The following TGS1 variants were observed in gnomAD, a reference collection of about 807,000 sequenced individuals.
TGS1 encodes the protein trimethylguanosine synthase 1, also known as trimethylguanosine synthase.
In TGS1, 69 loss-of-function variants were observed where a neutral mutation model predicts 92.2. The observed-to-expected ratio is 0.75, with a 90% CI of 0.62 to 0.91. TGS1 has a LOEUF of 0.91. Ranked by LOEUF, TGS1 falls within the 40% of genes least tolerant of loss-of-function variation. The pLI is 0.00. For missense variants in TGS1, 1,062 were observed against 1,001.2 expected, an observed-to-expected ratio of 1.06 and a Z score of -0.82; for synonymous variants, 345 against 338.1, an observed-to-expected ratio of 1.02 and a Z score of -0.22.
intron 12 of TGS1, among the ~76,000 whole-genome samples, chr8:55,823,339 C>T (rs1554566731): frequency 6.6e-6 from 1 of 152,262 alleles, no homozygotes; most frequent in Middle Eastern, 3.4e-3. Flanking sequence ...GCTAACTGCC[C>T]CATCCCCCTG....
intron 10 of TGS1, among the ~76,000 whole-genome samples, chr8:55,805,881 T>TAA (rs60887117): frequency 3.4e-5 from 4 of 119,186 alleles, no homozygotes; most frequent in Non-Finnish European, 5.1e-5. Context: ...GACTCCATCT[T>TAA]AAAAAAAAAA....
intron 6 of TGS1, among the ~76,000 whole-genome samples, chr8:55,794,359 T>A (rs1310780285): frequency 2.6e-5 from 4 of 152,190 alleles, no homozygotes; most frequent in African/African-American, 9.7e-5. Flanking sequence ...CCCAGTCCAT[T>A]TATTCCTTCT....
At chr8:55,815,735 T>C (rs755425180) in intron 12 of TGS1, among the ~76,000 whole-genome samples, 6 of 152,108 alleles carry the variant, frequency 3.9e-5, no homozygotes, top group Non-Finnish European at 5.9e-5. Context: ...TCTAGTGAAA[T>C]GTTTTCCTAG....
At chr8:55,821,024 T>G (rs778481725) in intron 12 of TGS1, among the ~76,000 whole-genome samples, 3 of 152,228 alleles carry the variant, frequency 2.0e-5, no homozygotes, top group Admixed American at 6.5e-5. Flanking sequence ...AATTTATAAG[T>G]CTTTCCAACT....
chr8:55,777,468 T>C (rs1385258759), intron 1 of TGS1, among the ~76,000 whole-genome samples: 21 of 152,200 alleles, frequency 1.4e-4, no homozygotes, highest in Admixed American at 1.4e-3. Context: ...CCCTGAATTT[T>C]GCCCATTGGC....
chr8:55,799,454 G>T (rs77645373), intron 8 of TGS1, among the ~76,000 whole-genome samples: 1 of 152,156 alleles, frequency 6.6e-6, no homozygotes, highest in African/African-American at 2.4e-5. Flanking sequence ...AGGAAAGACT[G>T]TTGGGAGCAT....
rs777808741 is a variant in TGS1 at position 55,786,226 on chromosome 8, TA to T, written c.340-11del. ...AAGTGCATTTTATATTCAAGTTATT[TA>T]TCTGATATAGGTATCTATGAATACT... On this transcript the variant is annotated splice_polypyrimidine_tract_variant and intron_variant, in intron 3 of 12. Transcript: ENST00000260129. The T allele has an allele frequency of 6.5e-6, 8 of 1,222,302 alleles. No homozygotes were observed. Among genetic ancestry groups the T allele is most frequent in the Non-Finnish European group, 9.0e-6 (8 of 886,276 alleles). 75.7% of individuals were successfully genotyped at this position (1,222,302 alleles called of 1,614,324 possible).
rs962507162 is a variant in TGS1, at chr8:55,826,129, C to T, written c.*1426C>T. Reference sequence around the variant, plus strand: ...CCTCCCGTAGTTCTGGGATTACAGGCGTGAGCCACCGCGCCTGGCTTTATG... The same window carrying T: ...CCTCCCGTAGTTCTGGGATTACAGGTGTGAGCCACCGCGCCTGGCTTTATG... On this transcript the variant is annotated 3_prime_UTR_variant, in exon 13 of 13. Coordinates refer to ENST00000260129, the MANE Select transcript of TGS1 (RefSeq NM_024831.8). 2.6e-5 allele frequency among the ~76,000 whole-genome samples: 4 copies of T among 152,084 alleles called. No homozygotes were observed. Among genetic ancestry groups the T allele is most frequent in the Admixed American group, 6.6e-5 (1 of 15,258 alleles).
Position 55,786,959 on chromosome 8 carries a change from A to G in TGS1, c.1061A>G (p.Lys354Arg). 1 of 1,614,164 alleles carries G rather than the reference A, an allele frequency of 6.2e-7. No individual in the cohort carries two copies. The part of the protein sequence containing the change: ...GHQQLSEVSS[K>R]RECPASGQSE... ...CAACAGCTAAGTGAAGTTAGTAGCA[A>G]AAGAGAGTGCCCTGCTTCCGGCCAA... Residue 354 changes from lysine (K) to arginine (R), a missense_variant, in exon 4 of 13, where the codon AAA (lysine) becomes AGA (arginine). Transcript: ENST00000260129.
intron 5 of TGS1, among the ~76,000 whole-genome samples, chr8:55,790,905 T>C (rs1361831241): frequency 6.6e-6 from 1 of 152,202 alleles, no homozygotes; most frequent in East Asian, 1.9e-4. Context: ...GCATGTAATA[T>C]ATCTGACACT....
intron 10 of TGS1, among the ~76,000 whole-genome samples, chr8:55,806,356 C>CAAAAAAAAAAAAAAAAAA (rs1047234489): frequency 1.0e-4 from 4 of 38,994 alleles, no homozygotes; most frequent in Non-Finnish European, 1.6e-4. Context: ...GACTCCACCT[C>CAAAAAAAAAAAAAAAAAA]AAAAAAAAAA....
Position 55,786,218 on chromosome 8 carries a change from A to C in TGS1, c.340-20A>C. ...AGTTCATAAAGTGCATTTTATATTC[A>C]AGTTATTTATCTGATATAGGTATCT... On this transcript the variant is annotated intron_variant, in intron 3 of 12. Coordinates refer to ENST00000260129, the MANE Select transcript of TGS1 (RefSeq NM_024831.8). 1 of 1,188,006 alleles carries C rather than the reference A, an allele frequency of 8.4e-7. No individual in the cohort carries two copies. Among genetic ancestry groups the C allele is most frequent in the Non-Finnish European group, 1.2e-6 (1 of 858,456 alleles). The allele number at this position is 1,188,006 out of a possible 1,614,324, so 73.6% of individuals were successfully genotyped here. A position where few individuals can be genotyped will look rare whatever the true frequency, so the allele number is the denominator to read the frequency against.
intron 12 of TGS1, among the ~76,000 whole-genome samples, chr8:55,815,379 T>TA (rs1432130642): frequency 1.3e-5 from 2 of 152,176 alleles, no homozygotes; most frequent in African/African-American, 4.8e-5. Context: ...AACTTTTTTT[T>TA]AATGAAGAAA....
intron 12 of TGS1, among the ~76,000 whole-genome samples, chr8:55,816,669 C>A (rs1322027160): frequency 6.6e-6 from 1 of 152,120 alleles, no homozygotes; most frequent in Non-Finnish European, 1.5e-5. Flanking sequence ...TAATTCCTGG[C>A]CTTTGTCTGG....
At chr8:55,789,542 G>GT (rs564638881) in intron 4 of TGS1, among the ~76,000 whole-genome samples, 66 of 150,982 alleles carry the variant, frequency 4.4e-4, no homozygotes, top group Middle Eastern at 6.8e-3. Flanking sequence ...AGTTTGTTGT[G>GT]TTTTTTTTTA....
At chr8:55,809,893 C>T (rs1803293752) in intron 10 of TGS1, among the ~76,000 whole-genome samples, 1 of 152,198 alleles carries the variant, frequency 6.6e-6, no homozygotes, top group Non-Finnish European at 1.5e-5. Flanking sequence ...ATCAGCATAT[C>T]TTTCCATCTG....
chr8:55,786,045 T>A (rs1348556732), intron 3 of TGS1, among the ~76,000 whole-genome samples, 154 bp downstream of exon 3: 6 of 152,214 alleles, frequency 3.9e-5, no homozygotes, highest in Non-Finnish European at 7.3e-5. Context: ...GAACTGAAAG[T>A]TGTAATATGT....
rs558106628 is a variant in TGS1 at position 55,802,411 on chromosome 8, A to G, written c.1850-46A>G. On this transcript the variant is annotated intron_variant, in intron 8 of 12. Coordinates refer to ENST00000260129, the MANE Select transcript of TGS1 (RefSeq NM_024831.8). ...TTTAGATAAACTCACCTGTGATACT[A>G]ATTTTTTTCTTAGTGAGCATCTATA... 10 of 1,533,098 alleles carry G rather than the reference A, an allele frequency of 6.5e-6. No homozygotes were observed. The South Asian group carries it at 1.0e-4, about 16-fold the overall frequency. 95.0% of individuals were successfully genotyped at this position (1,533,098 alleles called of 1,614,324 possible).
At chr8:55,818,852 GTTGAA>G (rs1016216270) in intron 12 of TGS1, among the ~76,000 whole-genome samples, 18 of 152,224 alleles carry the variant, frequency 1.2e-4, no homozygotes, top group Non-Finnish European at 2.5e-4. Context: ...TCTGTAATTT[GTTGAA>G]TTGAACAGTC....
Sources: allele counts gnomAD v4.1 joint callset (sites outside exome capture counted in the v4.1 genomes callset), GRCh38; gene constraint gnomAD v4.1.1; transcripts MANE v1.5; gene names NCBI Gene and HGNC (gene_info 2026-07-23, HGNC 2026-07-21).